The following LOC400499 variants were observed in gnomAD, a reference collection of about 807,000 sequenced individuals.
chr16:11,390,753 G>C, the LOC400499 span, among the ~76,000 whole-genome samples: 19 of 152,274 alleles, frequency 1.2e-4, no homozygotes, highest in Non-Finnish European at 1.9e-4. Context: ...TGAACTGTTT[G>C]TACAAACGTG....
the LOC400499 span, chr16:11,462,127 G>T: frequency 1.3e-6 from 2 of 1,508,934 alleles, no homozygotes; most frequent in Non-Finnish European, 1.8e-6. Context: ...CTGTCACGTT[G>T]GCCTGGTCAC....
chr16:11,429,692 T>C, the LOC400499 span, among the ~76,000 whole-genome samples: 2 of 152,106 alleles, frequency 1.3e-5, no homozygotes, highest in South Asian at 4.2e-4. Flanking sequence ...CAGGCTGGTC[T>C]TGAACTCCTG....
the LOC400499 span, chr16:11,450,618 G>A: frequency 6.5e-7 from 1 of 1,535,942 alleles, no homozygotes; most frequent in South Asian, 1.2e-5. Context: ...CCCGGAGGTA[G>A]GTGGTAGCTG....
the LOC400499 span, among the ~76,000 whole-genome samples, chr16:11,411,855 CT>C: frequency 0.77 from 111,482 of 144,120 alleles, 44,541 homozygotes; most frequent in Non-Finnish European, 0.9. Context: ...TTCTCTTTTT[CT>C]TTTTTTTTTT....
chr16:11,384,933 C>A, the LOC400499 span: 3 of 1,232,156 alleles, frequency 2.4e-6, no homozygotes, highest in South Asian at 4.1e-5. Flanking sequence ...CCGGTGGGCA[C>A]GTCACAGGAG....
chr16:11,482,488 C>T, the LOC400499 span, among the ~76,000 whole-genome samples: 9 of 152,334 alleles, frequency 5.9e-5, no homozygotes, highest in East Asian at 1.5e-3. Flanking sequence ...ATAAACTTGA[C>T]TTCATGAAAA....
chr16:11,390,760 C>T, the LOC400499 span, among the ~76,000 whole-genome samples: 6 of 152,258 alleles, frequency 3.9e-5, no homozygotes, highest in South Asian at 4.1e-4. Context: ...TTTGTACAAA[C>T]GTGGTTTATG....
chr16:11,425,182 G>A, the LOC400499 span: 48 of 398,996 alleles, frequency 1.2e-4, no homozygotes, highest in African/African-American at 8.2e-4. Context: ...TGTCCGTGCC[G>A]GGGGCCCCAG....
the LOC400499 span, among the ~76,000 whole-genome samples, chr16:11,382,905 A>G: frequency 6.6e-6 from 1 of 151,716 alleles, no homozygotes; most frequent in Non-Finnish European, 1.5e-5. Flanking sequence ...ATTTACAGTG[A>G]TATAAAGGAG....
the LOC400499 span, chr16:11,425,558 T>C: frequency 5.0e-6 from 2 of 397,642 alleles, no homozygotes; most frequent in Admixed American, 8.8e-5. Context: ...TTGTAACTCA[T>C]GTCAGAAATG....
At chr16:11,450,860 G>A in the LOC400499 span, 1 of 1,501,262 alleles carries the variant, frequency 6.7e-7, no homozygotes, top group Non-Finnish European at 8.9e-7. Flanking sequence ...ACACGGGGTA[G>A]AGAGGAAGCT....
chr16:11,476,949 G>A, the LOC400499 span: 1 of 399,026 alleles, frequency 2.5e-6, no homozygotes, highest in East Asian at 3.6e-5. Flanking sequence ...GCAGGGCACT[G>A]AGGGACAGGC....
chr16:11,387,090 A>G, the LOC400499 span: 2 of 1,232,464 alleles, frequency 1.6e-6, no homozygotes, highest in Non-Finnish European at 2.0e-6. Context: ...GGAGGGCGGC[A>G]CAGCCCGGGG....
At chr16:11,450,786 G>A in the LOC400499 span, 3 of 1,535,986 alleles carry the variant, frequency 2.0e-6, no homozygotes, top group East Asian at 7.3e-5. Flanking sequence ...GAGCTGCAGA[G>A]ACCATCAGCC....
chr16:11,399,388 C>T, the LOC400499 span: 7 of 591,312 alleles, frequency 1.2e-5, no homozygotes, highest in Admixed American at 8.7e-5. Context: ...AACCCAGGAC[C>T]ACGTGGCCCC....
the LOC400499 span, among the ~76,000 whole-genome samples, chr16:11,508,312 TC>T: frequency 6.6e-6 from 1 of 152,196 alleles, no homozygotes; most frequent in Non-Finnish European, 1.5e-5. Flanking sequence ...CACATCCACC[TC>T]CTGACTTGAA....
At chr16:11,390,336 T>A in the LOC400499 span, 684,538 of 1,233,316 alleles carry the variant, frequency 0.56, 191,428 homozygotes, top group Admixed American at 0.65. Context: ...TTGGACCCCC[T>A]TTGCCTGGCA....
chr16:11,487,383 G>A, the LOC400499 span: 10 of 399,014 alleles, frequency 2.5e-5, no homozygotes, highest in Non-Finnish European at 4.0e-5. Flanking sequence ...CAGGCTGCCA[G>A]ACACTAGGAG....
chr16:11,472,680 C>T, the LOC400499 span: 2 of 152,204 alleles, frequency 1.3e-5, no homozygotes, highest in African/African-American at 2.4e-5. Flanking sequence ...CCCAGACTCA[C>T]TGTAAAGGCC....
Sources: gnomAD v4.1 joint callset for allele counts (sites outside exome capture counted in the v4.1 genomes callset) on GRCh38, gnomAD v4.1.1 for gene constraint, MANE v1.5 for transcripts.